The following KCNQ4 variants were observed in gnomAD, a reference collection of about 807,000 sequenced individuals.
The protein encoded by KCNQ4 is potassium voltage-gated channel subfamily KQT member 4.
Under a neutral mutation model 72.6 loss-of-function variants are expected in KCNQ4, and 31 were observed. The observed-to-expected ratio is 0.43, with a 90% CI of 0.32 to 0.58. The LOEUF (loss-of-function observed/expected upper bound fraction) is 0.58, where lower values mean the gene tolerates loss of function less well. Among genes scored for constraint, KCNQ4 ranks in the 20% least tolerant of loss-of-function variants. The probability of loss-of-function intolerance (pLI) is 0.08; values close to 1 mark genes in which losing one functional copy is unlikely to be tolerated. For synonymous variants in KCNQ4, 405 were observed against 403.7 expected (o/e 1.00, Z -0.04); for missense variants, 869 against 962.6 (o/e 0.90, Z 1.29).
At chr1:40,787,145 G>A (rs1422858360) in intron 1 of KCNQ4, among the ~76,000 whole-genome samples, 1 of 152,156 alleles carries the variant, frequency 6.6e-6, no homozygotes, top group Non-Finnish European at 1.5e-5. Flanking sequence ...TCCCAGCACT[G>A]TGAGAGGCTG....
chr1:40,798,740 G>A (rs985667064), intron 1 of KCNQ4, among the ~76,000 whole-genome samples: 1 of 152,244 alleles, frequency 6.6e-6, no homozygotes, highest in East Asian at 1.9e-4. Flanking sequence ...GTGTATATAT[G>A]TGGAAGCTGG....
At chr1:40,796,474 C>T (rs531365453) in intron 1 of KCNQ4, among the ~76,000 whole-genome samples, 10 of 152,260 alleles carry the variant, frequency 6.6e-5, no homozygotes, top group African/African-American at 1.2e-4. Context: ...AAAGAGGTTA[C>T]GTGACTTGCC....
chr1:40,810,134 A>G (rs1437813535), intron 1 of KCNQ4, among the ~76,000 whole-genome samples: 1 of 151,592 alleles, frequency 6.6e-6, no homozygotes, highest in Non-Finnish European at 1.5e-5. Context: ...AATGCTACTC[A>G]AGGCCCCTGG....
rs1235217843 is a variant in KCNQ4 at position 40,818,254 on chromosome 1, C to G, written c.496C>G (p.Arg166Gly). The G allele has an allele frequency of 6.2e-7, 1 of 1,614,010 alleles. No individual in the cohort carries two copies. The highest frequency in any genetic ancestry group is 8.5e-7 in the Non-Finnish European group (1 of 1,180,032). ...CCCRYRGWQG[R>G]FRFARKPFCV... ...CTGCCGCTACCGAGGATGGCAGGGT[C>G]GCTTCCGCTTTGCCAGAAAGCCCTT... is the stretch of plus-strand genomic sequence containing the variant. Residue 166 changes from arginine (R) to glycine (G), a missense_variant, in exon 3 of 14, where the codon CGC (arginine) becomes GGC (glycine). Coordinates refer to ENST00000347132, the MANE Select transcript of KCNQ4 (RefSeq NM_004700.4).
chr1:40,825,184 C>T (rs560744963), intron 9 of KCNQ4, among the ~76,000 whole-genome samples: 1 of 152,188 alleles, frequency 6.6e-6, no homozygotes, highest in Non-Finnish European at 1.5e-5. Flanking sequence ...TTTGTCTCAT[C>T]TTCACACATC....
chr1:40,809,484 TG>T (rs967540115), intron 1 of KCNQ4, among the ~76,000 whole-genome samples: 1 of 152,220 alleles, frequency 6.6e-6, no homozygotes, highest in African/African-American at 2.4e-5. Flanking sequence ...AAGGCACTCA[TG>T]GCACCTTCAT....
At chr1:40,824,308 T>C (rs767545096) in intron 9 of KCNQ4, 50 bp downstream of exon 9, 2 of 1,569,738 alleles carry the variant, frequency 1.3e-6, no homozygotes, top group African/African-American at 2.7e-5. Context: ...CTCCTCTTCT[T>C]CCATTCTCTG....
rs756927525 is a variant in KCNQ4 at position 40,820,224 on chromosome 1, C to T, written c.1005C>T (p.Phe335=). ...AGGAGCAGCACCGGCAGAAGCACTT[C>T]GAGAAGCGGAGGATGCCGGCAGCCA... ...KVQEQHRQKH[F]EKRRMPAANL... The change falls in exon 7 of 14, where the codon TTC becomes TTT. Residue 335 remains phenylalanine (F), a synonymous_variant. Transcript: ENST00000347132. 2.7e-5 allele frequency: 44 copies of T among 1,610,182 alleles called. No homozygotes were observed. Among genetic ancestry groups the T allele is most frequent in the South Asian group, 3.3e-5 (3 of 90,358 alleles).
intron 9 of KCNQ4, among the ~76,000 whole-genome samples, chr1:40,827,885 C>A (rs1648531274): frequency 6.6e-6 from 1 of 150,886 alleles, no homozygotes; most frequent in African/African-American, 2.4e-5. Flanking sequence ...TTGGTATGTT[C>A]AGCAGTTAAG....
intron 12 of KCNQ4, among the ~76,000 whole-genome samples, chr1:40,835,913 G>T (rs1377561554): frequency 6.6e-6 from 1 of 151,946 alleles, no homozygotes; most frequent in African/African-American, 2.4e-5. Flanking sequence ...CTGCACTGGA[G>T]TGAGAGGTAG....
At chr1:40,820,133 C>A in intron 6 of KCNQ4, 32 bp from the exon 7 acceptor site, 1 of 1,581,098 alleles carries the variant, frequency 6.3e-7, no homozygotes, top group Non-Finnish European at 8.6e-7. Context: ...CCACTGCCAG[C>A]ACATTCCCCC....
At chr1:40,825,794 G>T (rs140916303) in intron 9 of KCNQ4, among the ~76,000 whole-genome samples, 2 of 152,150 alleles carry the variant, frequency 1.3e-5, no homozygotes, top group African/African-American at 4.8e-5. Flanking sequence ...GTTCACTCTG[G>T]TCTCATTTTG....
chr1:40,803,540 G>A (rs1003161308), intron 1 of KCNQ4, among the ~76,000 whole-genome samples: 3 of 152,152 alleles, frequency 2.0e-5, no homozygotes, highest in Admixed American at 6.5e-5. Flanking sequence ...CTTTACAGGC[G>A]GAGGAAACTA....
At chr1:40,791,324 G>T (rs1415459481) in intron 1 of KCNQ4, among the ~76,000 whole-genome samples, 1 of 152,188 alleles carries the variant, frequency 6.6e-6, no homozygotes, top group East Asian at 1.9e-4. Context: ...TAGGGTACCA[G>T]GTAGGGAGCT....
At chr1:40,808,711 C>G (rs2148310067) in intron 1 of KCNQ4, among the ~76,000 whole-genome samples, 1 of 152,328 alleles carries the variant, frequency 6.6e-6, no homozygotes, top group South Asian at 2.1e-4. Context: ...GGCTCTGGAT[C>G]CCAGCCTCCC....
chr1:40,837,708 C>T lies in KCNQ4; in HGVS notation c.1789C>T (p.Arg597Trp), dbSNP rs763090770. The change falls in exon 13 of 14, where the codon CGG becomes TGG. Residue 597 changes from arginine to tryptophan, a missense_variant. Physicochemically the swap from Arg to Trp is moderately radical, Grantham distance 101. Around this residue, in one of 5 missense-constraint regions of KCNQ4, gnomAD observed 480 missense variants for 501.9 expected, o/e 0.96. Coordinates refer to ENST00000347132, the MANE Select transcript of KCNQ4 (RefSeq NM_004700.4). Reference protein sequence around the residue: ...VGRGPGDRKAREKGDKGPSDA... With the variant: ...VGRGPGDRKAWEKGDKGPSDA... ...TCGGGGGCCCGGGGACAGGAAGGCC[C>T]GGGAGAAGGGCGACAAGGGGCCCTC... 1.2e-6 allele frequency: 2 copies of T among 1,613,272 alleles called. No homozygotes were observed. The highest frequency in any genetic ancestry group is 1.1e-5 in the South Asian group (1 of 90,922).
At chr1:40,819,848 C>T (rs753169955) in intron 5 of KCNQ4, 27 bp from the exon 6 acceptor site, 9 of 1,570,640 alleles carry the variant, frequency 5.7e-6, no homozygotes, top group South Asian at 2.2e-5. Flanking sequence ...GTGACCAGTC[C>T]TGCCTGTAAC....
At chr1:40,790,830 G>A (rs1647266712) in intron 1 of KCNQ4, among the ~76,000 whole-genome samples, 1 of 152,106 alleles carries the variant, frequency 6.6e-6, no homozygotes, top group South Asian at 2.1e-4. Flanking sequence ...AGAGTCTGCC[G>A]GGACCACTGG....
At chr1:40,821,274 G>T (rs1418050900) in intron 7 of KCNQ4, among the ~76,000 whole-genome samples, 1 of 152,198 alleles carries the variant, frequency 6.6e-6, no homozygotes, top group Non-Finnish European at 1.5e-5. Flanking sequence ...CATGCCAGGG[G>T]CCTAGGCAAG....
Sources: allele counts gnomAD v4.1 joint callset (sites outside exome capture counted in the v4.1 genomes callset), GRCh38; gene constraint gnomAD v4.1.1; regional missense constraint gnomAD v4.1.1; transcripts MANE v1.5; gene names NCBI Gene and HGNC (gene_info 2026-07-23, HGNC 2026-07-21).